THSD4: variants seen among roughly 807,000 people sequenced by gnomAD.
THSD4 encodes thrombospondin type-1 domain-containing protein 4.
A neutral mutation model predicts 119.0 loss-of-function variants in THSD4; 69 were observed. That is an observed-to-expected ratio of 0.58 (90% CI 0.48 to 0.71). The LOEUF is 0.71. Among genes scored for constraint, THSD4 ranks in the 30% least tolerant of loss-of-function variants. The pLI, the probability that THSD4 is intolerant of heterozygous loss-of-function variation, is 0.00. For synonymous variants in THSD4, 524 were observed against 540.4 expected (o/e 0.97, Z 0.42); for missense variants, 1,393 against 1,391.1 (o/e 1.00, Z -0.02).
chr15:71,437,018 G>T (rs1335756732), intron 7 of THSD4, among the ~76,000 whole-genome samples: 1 of 152,306 alleles, frequency 6.6e-6, no homozygotes, highest in South Asian at 2.1e-4. Context: ...AAGAAAAGAG[G>T]TTTATTTGGC....
In THSD4 at chr15:71,547,618, T is replaced by G. The variant is rs575185944; in HGVS notation, c.1153-112912T>G. The G allele has an allele frequency of 9.6e-5, 94 of 982,982 alleles. No individual in the cohort carries two copies. The East Asian group carries it at 2.7e-3, about 28-fold the overall frequency. The allele number at this position is 982,982 out of a possible 1,614,324, so 60.9% of individuals were successfully genotyped here. On this transcript the variant is annotated intron_variant, in intron 7 of 17. Transcript: ENST00000261862. ...AATGCTTTATATTACTTTTGTAGGC[T>G]TCTCTTGCCTTTTCTTATATGAAGA...
intron 3 of THSD4, among the ~76,000 whole-genome samples, chr15:71,158,707 C>A (rs866707705): frequency 2.0e-5 from 3 of 150,702 alleles, no homozygotes; most frequent in African/African-American, 7.4e-5. Context: ...TGGATATTAG[C>A]CCCTTGTCAG....
At position 71,449,043 on chromosome 15, in the gene THSD4, G is replaced by T. The variant is rs184569624; in HGVS notation, c.1152+37220G>T. On this transcript the variant is annotated intron_variant, in intron 7 of 17. Transcript: ENST00000261862. ...GCCAAAGTGGGCAAACCAGAAAATG[G>T]ACTGGCCAGCCTTACCAGTGTGCCT... Among the ~76,000 whole-genome samples the T allele has an allele frequency of 2.6e-5, 4 of 152,172 alleles. No homozygotes were observed. The East Asian group carries it at 5.8e-4, about 22-fold the overall frequency.
intron 6 of THSD4, among the ~76,000 whole-genome samples, chr15:71,365,770 TA>T (rs1256617631): frequency 6.6e-6 from 1 of 152,230 alleles, no homozygotes; most frequent in East Asian, 1.9e-4. Context: ...AAAAGTAATT[TA>T]GTAGGAGAAG....
intron 7 of THSD4, among the ~76,000 whole-genome samples, chr15:71,440,156 T>C (rs2047070843): frequency 1.3e-5 from 2 of 152,180 alleles, no homozygotes; most frequent in Non-Finnish European, 2.9e-5. Context: ...GCCATGATTG[T>C]CATTTAAATG....
chr15:71,709,884 G>T (rs2052473760), intron 8 of THSD4, among the ~76,000 whole-genome samples: 1 of 152,152 alleles, frequency 6.6e-6, no homozygotes, highest in Admixed American at 6.5e-5. Flanking sequence ...AACTTTTCAG[G>T]TGCTTGCCAT....
chr15:71,724,716 A>C (rs950025731), intron 8 of THSD4, among the ~76,000 whole-genome samples: 2 of 152,196 alleles, frequency 1.3e-5, no homozygotes, highest in Non-Finnish European at 2.9e-5. Flanking sequence ...ATATTTTATT[A>C]GTCCAGATGA....
chr15:71,721,272 G>C (rs1466875566), intron 8 of THSD4, among the ~76,000 whole-genome samples: 8 of 152,202 alleles, frequency 5.3e-5, no homozygotes, highest in African/African-American at 1.7e-4. Context: ...ACTTTGGGAG[G>C]CCGAGGCAGG....
intron 6 of THSD4, among the ~76,000 whole-genome samples, chr15:71,361,158 A>G (rs1468596184): frequency 2.0e-5 from 3 of 152,152 alleles, no homozygotes; most frequent in Admixed American, 6.5e-5. Flanking sequence ...AGGGATCTGG[A>G]CTTGATTCTG....
rs56241621 is a variant in THSD4 at position 71,723,072 on chromosome 15, G to GTTTT, written c.1358-5470_1358-5467dup. Among the ~76,000 whole-genome samples the GTTTT allele has an allele frequency of 2.1e-3, 313 of 148,638 alleles. 2 individuals are homozygous for GTTTT. Among genetic ancestry groups the GTTTT allele is most frequent in the Non-Finnish European group, 2.3e-3 (155 of 67,444 alleles). On this transcript the variant is annotated intron_variant, in intron 8 of 17. Coordinates refer to ENST00000261862, the MANE Select transcript of THSD4 (RefSeq NM_024817.3). ...GTTCTATGGATGGACATTTAGGCTA[G>GTTTT]TTTTTTTTTTCTCTATTTAAAAAAA...
At chr15:71,717,187 A>C (rs1441108356) in intron 8 of THSD4, among the ~76,000 whole-genome samples, 2 of 152,202 alleles carry the variant, frequency 1.3e-5, no homozygotes, top group Non-Finnish European at 2.9e-5. Context: ...ATCACTAAAC[A>C]CTAGCTCTTT....
chr15:71,291,936 C>T (rs935552380), intron 6 of THSD4, among the ~76,000 whole-genome samples: 13 of 152,078 alleles, frequency 8.5e-5, no homozygotes, highest in African/African-American at 3.1e-4. Flanking sequence ...TGTGGTGGCC[C>T]CTGTCTACCA....
intron 6 of THSD4, among the ~76,000 whole-genome samples, chr15:71,400,837 A>G (rs1404986919): frequency 1.3e-5 from 2 of 152,066 alleles, no homozygotes; most frequent in Non-Finnish European, 2.9e-5. Flanking sequence ...AAAAAAAGAA[A>G]AAAAAAAAAA....
intron 7 of THSD4, among the ~76,000 whole-genome samples, chr15:71,415,107 T>C (rs2046741875): frequency 6.6e-6 from 1 of 152,236 alleles, no homozygotes; most frequent in Non-Finnish European, 1.5e-5. Flanking sequence ...CCCTAAGATG[T>C]GCGTCTGCAT....
chr15:71,606,594 G>A (rs950447470), intron 7 of THSD4, among the ~76,000 whole-genome samples: 1 of 152,198 alleles, frequency 6.6e-6, no homozygotes, highest in African/African-American at 2.4e-5. Flanking sequence ...AGGCCAGAGT[G>A]CAATGGCATG....
intron 7 of THSD4, among the ~76,000 whole-genome samples, chr15:71,439,878 T>C (rs1362371865): frequency 1.3e-5 from 2 of 152,150 alleles, no homozygotes; most frequent in East Asian, 3.9e-4. Context: ...TGTGGGGGGC[T>C]AGGAGAGGGA....
At chr15:71,276,134 T>C (rs1296438366) in intron 6 of THSD4, among the ~76,000 whole-genome samples, 1 of 152,220 alleles carries the variant, frequency 6.6e-6, no homozygotes, top group Non-Finnish European at 1.5e-5. Flanking sequence ...TGTGTAGCTG[T>C]AGTCTGAGGT....
At chr15:71,240,678 T>TA (rs1454512475) in intron 4 of THSD4, among the ~76,000 whole-genome samples, 1 of 152,106 alleles carries the variant, frequency 6.6e-6, no homozygotes, top group Non-Finnish European at 1.5e-5. Context: ...TTTCAGATCT[T>TA]AAAAAAACAC....
intron 5 of THSD4, among the ~76,000 whole-genome samples, chr15:71,255,831 T>A (rs2044308704): frequency 1.3e-5 from 2 of 152,196 alleles, no homozygotes; most frequent in Admixed American, 1.3e-4. Context: ...AGTTCACATG[T>A]GGAACATGTT....
Sources: allele counts gnomAD v4.1 joint callset (sites outside exome capture counted in the v4.1 genomes callset), GRCh38; gene constraint gnomAD v4.1.1; transcripts MANE v1.5; gene names NCBI Gene and HGNC (gene_info 2026-07-23, HGNC 2026-07-21).